Variants in SUMF1 observed in about 807,000 individuals in gnomAD.
The protein encoded by SUMF1 is formylglycine-generating enzyme.
SUMF1 carries 48 observed loss-of-function variants against 47.6 expected under a neutral mutation model. The observed-to-expected ratio is 1.01, with a 90% CI of 0.80 to 1.28. The LOEUF is 1.28. Among genes scored for constraint, SUMF1 ranks in the 50% most tolerant of loss-of-function variants. The pLI, the probability that SUMF1 is intolerant of heterozygous loss-of-function variation, is 0.00. For synonymous variants in SUMF1, 230 were observed against 192.1 expected, an observed-to-expected ratio of 1.20 and a Z score of -1.63; for missense variants, 571 against 485.4, an observed-to-expected ratio of 1.18 and a Z score of -1.66.
chr3:4,158,224 G>A (rs1409287768), intron 8 of SUMF1, among the ~76,000 whole-genome samples: 1 of 151,592 alleles, frequency 6.6e-6, no homozygotes, highest in Non-Finnish European at 1.5e-5. Context: ...AAGTTACAAT[G>A]GAGATATAAA....
At chr3:4,433,494 G>A (rs1246436339) in intron 3 of SUMF1, among the ~76,000 whole-genome samples, 1 of 152,138 alleles carries the variant, frequency 6.6e-6, no homozygotes, top group Non-Finnish European at 1.5e-5. Context: ...TTCAAAAAAA[G>A]ACACAAAAGA....
chr3:4,272,026 G>A (rs1697315434), intron 8 of SUMF1, among the ~76,000 whole-genome samples: 1 of 152,248 alleles, frequency 6.6e-6, no homozygotes, highest in East Asian at 1.9e-4. Flanking sequence ...CTCACTACAT[G>A]ACTGCCCTCT....
At chr3:4,260,999 T>C (rs1170147066) in intron 8 of SUMF1, among the ~76,000 whole-genome samples, 1 of 152,166 alleles carries the variant, frequency 6.6e-6, no homozygotes, top group Admixed American at 6.5e-5. Context: ...AATAGAACCA[T>C]AAAAGTTTTT....
chr3:4,242,729 T>C (rs56403044), intron 8 of SUMF1, among the ~76,000 whole-genome samples: 3,527 of 152,194 alleles, frequency 0.023, 73 homozygotes, highest in South Asian at 0.035. Context: ...TTGGCCTAAA[T>C]TTTTCTCTTT....
chr3:4,060,417 C>A (rs1425128290), intron 9 of SUMF1, among the ~76,000 whole-genome samples: 3 of 152,152 alleles, frequency 2.0e-5, no homozygotes, highest in Non-Finnish European at 2.9e-5. Context: ...GGTTTTCTCA[C>A]TGTAAAACGA....
chr3:4,039,828 C>G (rs1419675223), intron 9 of SUMF1, among the ~76,000 whole-genome samples: 1 of 151,982 alleles, frequency 6.6e-6, no homozygotes, highest in South Asian at 2.1e-4. Flanking sequence ...TGAGACCAGC[C>G]TGGGCAATAC....
intron 8 of SUMF1, among the ~76,000 whole-genome samples, chr3:4,173,703 GA>G (rs1694885019): frequency 6.6e-6 from 1 of 152,108 alleles, no homozygotes; most frequent in South Asian, 2.1e-4. Context: ...GCAGCCATAA[GA>G]AAGGATGAGT....
intron 8 of SUMF1, among the ~76,000 whole-genome samples, chr3:4,165,566 T>C (rs570932652): frequency 1.3e-5 from 2 of 152,234 alleles, no homozygotes; most frequent in African/African-American, 4.8e-5. Flanking sequence ...TATCTTTCAA[T>C]GAAAAGAAGG....
At chr3:4,258,619 G>C (rs1373959381) in intron 8 of SUMF1, among the ~76,000 whole-genome samples, 2 of 152,218 alleles carry the variant, frequency 1.3e-5, no homozygotes, top group East Asian at 3.9e-4. Flanking sequence ...AACAACAGGT[G>C]CTTGAGAGGA....
At chr3:4,274,966 G>A (rs1697382470) in intron 8 of SUMF1, among the ~76,000 whole-genome samples, 1 of 152,158 alleles carries the variant, frequency 6.6e-6, no homozygotes, top group African/African-American at 2.4e-5. Flanking sequence ...AAACAGGCCT[G>A]ATGAAGCCCT....
intron 8 of SUMF1, among the ~76,000 whole-genome samples, chr3:4,335,715 C>T (rs1421903351): frequency 6.6e-6 from 1 of 151,920 alleles, no homozygotes; most frequent in East Asian, 1.9e-4. Flanking sequence ...GAGGCCAAGG[C>T]GGACAGATCA....
chr3:4,360,205 C>CTT (rs57690047), downstream of SUMF1, among the ~76,000 whole-genome samples: 16,470 of 103,850 alleles, frequency 0.16, 1,566 homozygotes, highest in Middle Eastern at 0.18. Context: ...AATGTTTGTT[C>CTT]TTTTTTTTTT....
chr3:4,051,266 T>C (rs1695106543), intron 9 of SUMF1, among the ~76,000 whole-genome samples: 1 of 152,078 alleles, frequency 6.6e-6, no homozygotes, highest in South Asian at 2.1e-4. Context: ...TCTACCCTTC[T>C]GCTTTATTTC....
At chr3:4,148,713 A>G (rs568058275) in intron 8 of SUMF1, among the ~76,000 whole-genome samples, 1 of 152,270 alleles carries the variant, frequency 6.6e-6, no homozygotes, top group Admixed American at 6.5e-5. Flanking sequence ...CTTTACAAAA[A>G]CAGTCAATGG....
At position 4,451,102 on chromosome 3, in the gene SUMF1, A is replaced by G. The variant is rs1346080590; in HGVS notation, c.445-1762T>C. Among the ~76,000 whole-genome samples, 4 of 152,174 alleles carry G rather than the reference A, an allele frequency of 2.6e-5. No homozygotes were observed. The East Asian group carries it at 5.8e-4, about 22-fold the overall frequency. ...AATAAAATCAATAAAAAAATAAAAT[A>G]AAATAAATAGTATTATGAAGAAAAG... On this transcript the variant is annotated intron_variant, in intron 2 of 8. Transcript: ENST00000272902.
At chr3:4,415,921 G>A (rs1010590579) in intron 6 of SUMF1, among the ~76,000 whole-genome samples, 2 of 152,180 alleles carry the variant, frequency 1.3e-5, no homozygotes, top group African/African-American at 4.8e-5. Context: ...AGTCCCTTCT[G>A]GTGGATGCAG....
At chr3:4,323,510 T>C (rs1026372597) in intron 8 of SUMF1, among the ~76,000 whole-genome samples, 5 of 152,092 alleles carry the variant, frequency 3.3e-5, no homozygotes, top group Non-Finnish European at 5.9e-5. Flanking sequence ...GCATTTTAAT[T>C]AGGTGGATTT....
intron 8 of SUMF1, among the ~76,000 whole-genome samples, chr3:4,115,133 A>G (rs918887912): frequency 6.6e-6 from 1 of 151,816 alleles, no homozygotes; most frequent in African/African-American, 2.4e-5. Flanking sequence ...CCTCGAGAGG[A>G]GCAGAGGAGC....
chr3:4,241,138 G>C (rs1352165800), intron 8 of SUMF1, among the ~76,000 whole-genome samples: 2 of 152,074 alleles, frequency 1.3e-5, no homozygotes, highest in African/African-American at 2.4e-5. Context: ...TACAAGGTAA[G>C]GATAAATGAC....
Sources: allele counts gnomAD v4.1 joint callset (sites outside exome capture counted in the v4.1 genomes callset), GRCh38; gene constraint gnomAD v4.1.1; transcripts MANE v1.5; gene names NCBI Gene and HGNC (gene_info 2026-07-23, HGNC 2026-07-21).